RINT1: variants seen among roughly 807,000 people sequenced by gnomAD.
RINT1 encodes the protein RAD50 interactor 1, also known as RAD50-interacting protein 1.
Under a neutral mutation model 97.7 loss-of-function variants are expected in RINT1, and 75 were observed. The ratio of observed to expected loss-of-function variants is 0.77; its 90% CI spans 0.64 to 0.93. The LOEUF is 0.93. Ranked by LOEUF, RINT1 falls within the 40% of genes least tolerant of loss-of-function variation. The pLI, the probability that RINT1 is intolerant of heterozygous loss-of-function variation, is 0.00. For synonymous variants in RINT1, 303 were observed against 326.3 expected, an observed-to-expected ratio of 0.93 and a Z score of 0.77; for missense variants, 892 against 925.2, an observed-to-expected ratio of 0.96 and a Z score of 0.47.
chr7:105,550,043 CTCCT>C lies in RINT1; in HGVS notation c.997-6_997-3del. 1 of 1,537,096 alleles carries C rather than the reference CTCCT, an allele frequency of 6.5e-7. No homozygotes were observed. The highest frequency in any genetic ancestry group is 1.2e-5 in the South Asian group (1 of 86,120). ...TGACTTAAGAATTCAAACTATTTTC[CTCCT>C]TCCTTAGCCAGAATGGTACTTGGCT... On this transcript the variant is annotated splice_region_variant and splice_polypyrimidine_tract_variant and intron_variant, in intron 7 of 14. Coordinates refer to ENST00000257700, the MANE Select transcript of RINT1 (RefSeq NM_021930.6).
chr7:105,532,232 G>T lies in RINT1; in HGVS notation c.-84G>T. 2 of 1,453,072 alleles carry T rather than the reference G, an allele frequency of 1.4e-6. No homozygotes were observed. The highest frequency in any genetic ancestry group is 1.9e-6 in the Non-Finnish European group (2 of 1,074,804). The allele number at this position is 1,453,072 out of a possible 1,614,324, so 90.0% of individuals were successfully genotyped here. A position where few individuals can be genotyped will look rare whatever the true frequency, so the allele number is the denominator to read the frequency against. On this transcript the variant is annotated 5_prime_UTR_variant, in exon 1 of 15. Coordinates refer to ENST00000257700, the MANE Select transcript of RINT1 (RefSeq NM_021930.6). ...CTCAGTCCTACGGCCTCCGAGGCTG[G>T]GTAGTGAGTGTGTCGCTGGCCTTAG...
Position 105,536,714 on chromosome 7 carries a change from CAG to C in RINT1, c.241_242del (p.Arg81AspfsTer4). The C allele has an allele frequency of 6.2e-7, 1 of 1,604,816 alleles. No individual in the cohort carries two copies. Among genetic ancestry groups the C allele is most frequent in the Non-Finnish European group, 8.5e-7 (1 of 1,176,704 alleles). The part of the protein sequence containing the change: ...SLKKLDKLIE[Q>X]RTVSKMQLEE... The stretch of plus-strand genomic sequence containing the variant: ...AAAGAAACTTGATAAACTCATAGAA[CAG>C]AGGACAGTAAGTAAAATGCAGTTAG... On this transcript the variant is annotated frameshift_variant, in exon 3 of 15. Transcript: ENST00000257700. LOFTEE classifies it high-confidence loss of function.
chr7:105,532,924 A>C, intron 2 of RINT1, 55 bp downstream of exon 2: 1 of 1,534,866 alleles, frequency 6.5e-7, no homozygotes, highest in Non-Finnish European at 9.0e-7. Flanking sequence ...TCAGCCTTCC[A>C]GGGTCTGCAA....
At chr7:105,563,314 A>G (rs1791521729) in intron 11 of RINT1, among the ~76,000 whole-genome samples, 1 of 152,160 alleles carries the variant, frequency 6.6e-6, no homozygotes, top group African/African-American at 2.4e-5. Context: ...AATGTTCTAA[A>G]ATTGTGATGG....
rs1194706049 is a variant in RINT1 at position 105,551,685 on chromosome 7, G to T, written c.1449G>T (p.Met483Ile). ...TTCCAGATTGTGCAGAAACTTTTAT[G>T]ACTCTACTCTTGGTTATAACTGGTA... ...MKVPDCAETF[M>I]TLLLVITDRY... is the part of the protein sequence containing the mutation. The change falls in exon 10 of 15, where the codon ATG (methionine) becomes ATT (isoleucine). Residue 483 changes from methionine to isoleucine, a missense_variant. Transcript: ENST00000257700. 96 of 1,609,246 alleles carry T rather than the reference G, an allele frequency of 6.0e-5. No homozygotes were observed. Among genetic ancestry groups the T allele is most frequent in the Non-Finnish European group, 7.9e-5 (93 of 1,177,926 alleles).
At chr7:105,565,149 G>A (rs1791642769) in intron 12 of RINT1, 128 bp from the exon 13 acceptor site, 2 of 648,152 alleles carry the variant, frequency 3.1e-6, no homozygotes, top group African/African-American at 3.6e-5. Context: ...AGCTTTTAAT[G>A]TTAGGCTGTA....
At chr7:105,558,293 C>CAA (rs11345013) in intron 11 of RINT1, among the ~76,000 whole-genome samples, 61,028 of 138,810 alleles carry the variant, frequency 0.44, 14,788 homozygotes, top group South Asian at 0.6. Context: ...AAAACAGTCT[C>CAA]AAAAAAAAAA....
chr7:105,535,532 C>T (rs1178689711), intron 2 of RINT1: 2 of 449,704 alleles, frequency 4.4e-6, no homozygotes, highest in East Asian at 7.0e-5. Context: ...CCAGCCAAAC[C>T]TTTTTTACTT....
At chr7:105,546,799 C>A in intron 4 of RINT1, 111 bp from the exon 5 acceptor site, 1 of 707,166 alleles carries the variant, frequency 1.4e-6, no homozygotes, top group Non-Finnish European at 2.3e-6. Flanking sequence ...TCACTTGAAC[C>A]TGGGACACAG....
intron 10 of RINT1, among the ~76,000 whole-genome samples, chr7:105,552,516 T>C (rs762691452): frequency 2.0e-5 from 3 of 152,148 alleles, no homozygotes; most frequent in Non-Finnish European, 4.4e-5. Flanking sequence ...GTTGCCCCCT[T>C]GTGGGCCTGC....
chr7:105,534,366 G>A (rs1426439999), intron 2 of RINT1, among the ~76,000 whole-genome samples: 1 of 152,076 alleles, frequency 6.6e-6, no homozygotes, highest in Non-Finnish European at 1.5e-5. Context: ...ACTGTGCTCA[G>A]TGGGTGTAAT....
chr7:105,565,041 T>C, intron 12 of RINT1: 1 of 387,918 alleles, frequency 2.6e-6, no homozygotes, highest in East Asian at 3.9e-5. Context: ...ATATCAGTAA[T>C]TCACATATTA....
At position 105,565,403 on chromosome 7, in the gene RINT1, TAAAATTTTCTGGC is replaced by T. The variant is rs768922101; in HGVS notation, c.2017_2029del (p.Ile673CysfsTer3). On this transcript the variant is annotated frameshift_variant, in exon 13 of 15. Coordinates refer to ENST00000257700, the MANE Select transcript of RINT1 (RefSeq NM_021930.6). LOFTEE classifies it high-confidence loss of function. ...AGCAGCAGCTTTGTTTCTCCTTATTTAAAATTTTCTGGCAAATGCTTGTAGAGAAGCTGGATGT... is the reference window on the plus strand; with the variant it reads ...AGCAGCAGCTTTGTTTCTCCTTATTTAAATGCTTGTAGAGAAGCTGGATGT... 2.5e-6 allele frequency: 4 copies of T among 1,614,104 alleles called. No individual in the cohort carries two copies. In the African/African-American group the frequency reaches 4.0e-5, roughly 16 times the overall value.
intron 7 of RINT1, 26 bp from the exon 8 acceptor site, chr7:105,550,029 T>G: frequency 3.5e-6 from 5 of 1,416,648 alleles, no homozygotes; most frequent in Non-Finnish European, 4.9e-6. Context: ...GACTTAAGAA[T>G]TCAAACTATT....
rs2133475136 is a variant in RINT1 at position 105,565,291 on chromosome 7, C to T, written c.1901C>T (p.Pro634Leu). The change falls in exon 13 of 15, where the codon CCA (proline) becomes CTA (leucine). Residue 634 changes from proline to leucine, a missense_variant. Transcript: ENST00000257700. ...GTTTTTTCCAGATGGTTGTCCTTGC[C>T]ATCTCAGTCAGAGCAGGCAGTGATG... ...LYKKERWLSL[P>L]SQSEQAVMSL... The T allele has an allele frequency of 6.3e-7, 1 of 1,588,996 alleles. No individual in the cohort carries two copies. The highest frequency in any genetic ancestry group is 8.6e-7 in the Non-Finnish European group (1 of 1,164,688).
intron 3 of RINT1, among the ~76,000 whole-genome samples, chr7:105,541,161 A>G (rs1469418891): frequency 1.5e-5 from 2 of 137,798 alleles, no homozygotes; most frequent in Non-Finnish European, 3.1e-5. Flanking sequence ...TTCTTCTTTG[A>G]GGAGTCTTGC....
chr7:105,562,294 A>C (rs1320823987), intron 11 of RINT1, among the ~76,000 whole-genome samples: 1 of 152,192 alleles, frequency 6.6e-6, no homozygotes, highest in Admixed American at 6.6e-5. Context: ...TCTTTCACCC[A>C]GGCTGCAGTG....
At chr7:105,555,475 A>G (rs1403453154) in intron 11 of RINT1, 2 of 317,436 alleles carry the variant, frequency 6.3e-6, no homozygotes, top group African/African-American at 4.2e-5. Flanking sequence ...ATAGTTGTTT[A>G]TAGAGTGAAC....
intron 14 of RINT1, among the ~76,000 whole-genome samples, chr7:105,566,093 C>T (rs1486683162): frequency 2.1e-5 from 3 of 143,566 alleles, no homozygotes; most frequent in African/African-American, 7.8e-5. Context: ...CATAGTGATA[C>T]CCCCATCTCT....
Sources: gnomAD v4.1 joint callset for allele counts (sites outside exome capture counted in the v4.1 genomes callset) on GRCh38, gnomAD v4.1.1 for gene constraint, MANE v1.5 for transcripts, NCBI Gene and HGNC (gene_info 2026-07-23, HGNC 2026-07-21) for gene names.